MAGI2: variants seen among roughly 807,000 people sequenced by gnomAD.
MAGI2 encodes membrane associated guanylate kinase, WW and PDZ domain containing 2.
A neutral mutation model predicts 133.3 loss-of-function variants in MAGI2; 35 were observed. The observed-to-expected ratio is 0.26, with a 90% CI of 0.20 to 0.35. MAGI2 has a LOEUF of 0.35. Ranked by LOEUF, MAGI2 falls within the 10% of genes least tolerant of loss-of-function variation. MAGI2 has a pLI of 1.00. For missense variants in MAGI2, 1,636 were observed against 1,863.4 expected (o/e 0.88, Z 2.25); for synonymous variants, 729 against 710.6 (o/e 1.03, Z -0.41).
intron 1 of MAGI2, among the ~76,000 whole-genome samples, chr7:79,181,801 G>C (rs1180373361): frequency 6.6e-6 from 1 of 151,942 alleles, no homozygotes; most frequent in Non-Finnish European, 1.5e-5. Context: ...GTCATCTCTT[G>C]AATGCTCTGC....
intron 2 of MAGI2, among the ~76,000 whole-genome samples, chr7:78,957,264 C>CAAAAAAAAAA (rs1187620956): frequency 3.2e-3 from 133 of 41,354 alleles, no homozygotes; most frequent in East Asian, 5.2e-3. Context: ...GACTCCATCT[C>CAAAAAAAAAA]AAAAAAAAAA....
chr7:78,414,358 G>C (rs1341769835), intron 6 of MAGI2, among the ~76,000 whole-genome samples: 4 of 151,848 alleles, frequency 2.6e-5, no homozygotes, highest in Non-Finnish European at 5.9e-5. Context: ...GACTAATTTT[G>C]TTTAACAAAA....
intron 6 of MAGI2, among the ~76,000 whole-genome samples, chr7:78,409,626 G>C (rs1473933884): frequency 6.6e-6 from 1 of 152,046 alleles, no homozygotes; most frequent in Admixed American, 6.6e-5. Context: ...TTCTTTTAAA[G>C]AGTCAAACAG....
intron 2 of MAGI2, among the ~76,000 whole-genome samples, chr7:78,839,965 ACTTTT>A (rs1413280800): frequency 6.6e-6 from 1 of 152,076 alleles, no homozygotes; most frequent in South Asian, 2.1e-4. Context: ...ACACAGGGAC[ACTTTT>A]CTTTTATTGC....
intron 2 of MAGI2, among the ~76,000 whole-genome samples, chr7:78,836,879 T>A (rs1481802719): frequency 7.3e-6 from 1 of 137,832 alleles, no homozygotes; most frequent in Non-Finnish European, 1.6e-5. Flanking sequence ...GTACAAGTGA[T>A]TTTTTCTTAG....
intron 2 of MAGI2, among the ~76,000 whole-genome samples, chr7:78,663,026 C>T (rs1813144851): frequency 6.6e-6 from 1 of 152,088 alleles, no homozygotes; most frequent in African/African-American, 2.4e-5. Context: ...ATCTGGCCAT[C>T]TGGTTCTAGA....
At chr7:78,490,959 G>A (rs1344118661) in intron 5 of MAGI2, among the ~76,000 whole-genome samples, 1 of 152,024 alleles carries the variant, frequency 6.6e-6, no homozygotes, top group Non-Finnish European at 1.5e-5. Context: ...AAGAATAGAA[G>A]AGAGGATGGA....
chr7:78,378,321 G>A (rs10257903), intron 6 of MAGI2, among the ~76,000 whole-genome samples: 1 of 151,150 alleles, frequency 6.6e-6, no homozygotes, highest in African/African-American at 2.4e-5. Context: ...GAAGAAAATA[G>A]AATAGAACTA....
intron 3 of MAGI2, among the ~76,000 whole-genome samples, chr7:78,537,347 A>G (rs1798047432): frequency 6.6e-6 from 1 of 152,092 alleles, no homozygotes; most frequent in Admixed American, 6.6e-5. Context: ...CTTATTTTCC[A>G]CTGGGTAGGT....
At chr7:78,221,391 C>T (rs1233440765) in intron 10 of MAGI2, among the ~76,000 whole-genome samples, 2 of 152,126 alleles carry the variant, frequency 1.3e-5, no homozygotes, top group African/African-American at 4.8e-5. Flanking sequence ...GGTTTATTGT[C>T]TCAAATTAAC....
Position 79,382,604 on chromosome 7 carries a change from G to C in MAGI2, c.301+70416C>G, listed in dbSNP as rs138197180. On this transcript the variant is annotated intron_variant, in intron 1 of 21. Coordinates refer to ENST00000354212, the MANE Select transcript of MAGI2 (RefSeq NM_012301.4). ...ATTTGCATAAGGGGAAAGCAATAGT[G>C]CTCCACAAATGTGTTTTTGTAAGGT... Among the ~76,000 whole-genome samples, 535 of 151,640 alleles carry C rather than the reference G, an allele frequency of 3.5e-3. 1 individual carries two copies. The highest frequency in any genetic ancestry group is 5.8e-3 in the Non-Finnish European group (393 of 67,700).
chr7:78,715,814 T>C (rs1215903992), intron 2 of MAGI2, among the ~76,000 whole-genome samples: 1 of 62,060 alleles, frequency 1.6e-5, no homozygotes, highest in Non-Finnish European at 3.9e-5. Context: ...AAAGTGCCAA[T>C]AAGTACAGCC....
intron 2 of MAGI2, among the ~76,000 whole-genome samples, chr7:78,633,741 T>C (rs1251879902): frequency 6.7e-6 from 1 of 148,686 alleles, no homozygotes; most frequent in East Asian, 2.0e-4. Flanking sequence ...GAGAATGCTG[T>C]GGTGTGATAA....
At chr7:79,050,318 A>C (rs1226540053) in intron 1 of MAGI2, among the ~76,000 whole-genome samples, 1 of 152,158 alleles carries the variant, frequency 6.6e-6, no homozygotes, top group Non-Finnish European at 1.5e-5. Flanking sequence ...GGACTGTGGG[A>C]GGGAGACATG....
chr7:78,567,419 CAA>C (rs2150755901), intron 3 of MAGI2, among the ~76,000 whole-genome samples: 1 of 149,084 alleles, frequency 6.7e-6, no homozygotes, highest in East Asian at 2.1e-4. Flanking sequence ...CACACACACA[CAA>C]CCGCAATGCA....
At chr7:78,993,848 A>G (rs1013439225) in intron 2 of MAGI2, among the ~76,000 whole-genome samples, 1 of 151,990 alleles carries the variant, frequency 6.6e-6, no homozygotes, top group Non-Finnish European at 1.5e-5. Flanking sequence ...ATTGAAAGCA[A>G]TAAAAAAAAA....
At chr7:78,527,041 G>GA (rs1281629424) in intron 3 of MAGI2, among the ~76,000 whole-genome samples, 7 of 99,654 alleles carry the variant, frequency 7.0e-5, no homozygotes, top group Admixed American at 2.1e-4. Flanking sequence ...AAAAGAAAAA[G>GA]AAAAAAAGAA....
At chr7:79,315,940 A>T (rs1430864634) in intron 1 of MAGI2, among the ~76,000 whole-genome samples, 1 of 152,158 alleles carries the variant, frequency 6.6e-6, no homozygotes, top group African/African-American at 2.4e-5. Context: ...TGTAGGAGGC[A>T]GGTCAAGGCT....
chr7:78,711,124 G>A (rs1171403529), intron 2 of MAGI2, among the ~76,000 whole-genome samples: 1 of 152,114 alleles, frequency 6.6e-6, no homozygotes, highest in Non-Finnish European at 1.5e-5. Context: ...GAAGTTCACA[G>A]GATATATGTG....
Sources: allele counts gnomAD v4.1 joint callset (sites outside exome capture counted in the v4.1 genomes callset), GRCh38; gene constraint gnomAD v4.1.1; transcripts MANE v1.5; gene names NCBI Gene and HGNC (gene_info 2026-07-23, HGNC 2026-07-21).